PSMA1: variants seen among roughly 807,000 people sequenced by gnomAD.
PSMA1 encodes proteasome 20S subunit alpha 1.
PSMA1 carries 3 observed loss-of-function variants against 38.4 expected under a neutral mutation model. The ratio of observed to expected loss-of-function variants is 0.08; its 90% confidence interval spans 0.04 to 0.20. PSMA1 has a LOEUF of 0.20. Among genes scored for constraint, PSMA1 ranks in the 10% least tolerant of loss-of-function variants. PSMA1 has a pLI of 1.00. For missense variants in PSMA1, 227 were observed against 325.3 expected, an observed-to-expected ratio of 0.70 and a Z score of 2.32; for synonymous variants, 101 against 107.1, an observed-to-expected ratio of 0.94 and a Z score of 0.35.
At chr11:14,568,064 C>A (rs1852093668) in intron 2 of PSMA1, among the ~76,000 whole-genome samples, 1 of 152,162 alleles carries the variant, frequency 6.6e-6, no homozygotes, top group Admixed American at 6.5e-5. Flanking sequence ...CTTGCAGGAA[C>A]CTAACCTTGT....
chr11:14,601,436 G>C (rs16930367), intron 2 of PSMA1, among the ~76,000 whole-genome samples: 1 of 152,046 alleles, frequency 6.6e-6, no homozygotes, highest in African/African-American at 2.4e-5. Context: ...CCCACCAAAG[G>C]CTGCCGTTCT....
intron 2 of PSMA1, among the ~76,000 whole-genome samples, chr11:14,562,867 T>A (rs1852026000): frequency 6.6e-6 from 1 of 152,168 alleles, no homozygotes; most frequent in South Asian, 2.1e-4. Flanking sequence ...CCACCGGGCC[T>A]GGCTGTATTC....
chr11:14,602,930 G>C (rs561882490), intron 2 of PSMA1, among the ~76,000 whole-genome samples: 1 of 152,136 alleles, frequency 6.6e-6, no homozygotes, highest in Non-Finnish European at 1.5e-5. Context: ...ATGGCTGTGC[G>C]GGGAGACATA....
At chr11:14,574,394 A>G (rs1852187433) in intron 2 of PSMA1, among the ~76,000 whole-genome samples, 1 of 152,214 alleles carries the variant, frequency 6.6e-6, no homozygotes, top group Admixed American at 6.5e-5. Flanking sequence ...CAGAAGGTGC[A>G]AGCCATAAGC....
At chr11:14,585,694 C>T (rs1852337202) in intron 2 of PSMA1, among the ~76,000 whole-genome samples, 1 of 152,180 alleles carries the variant, frequency 6.6e-6, no homozygotes, top group South Asian at 2.1e-4. Context: ...TTTTATTCGC[C>T]CCTCCTACTT....
intron 2 of PSMA1, among the ~76,000 whole-genome samples, chr11:14,605,708 G>A (rs1852634643): frequency 6.6e-6 from 1 of 152,112 alleles, no homozygotes; most frequent in Non-Finnish European, 1.5e-5. Flanking sequence ...TTTTTAATTA[G>A]GGTTATTTGT....
At position 14,504,884 on chromosome 11, in the gene PSMA1, G is replaced by A. The variant is rs1002881822; in HGVS notation, c.*308C>T. The A allele has an allele frequency of 3.4e-5, 9 of 265,370 alleles. No homozygotes were observed. Among genetic ancestry groups the A allele is most frequent in the Middle Eastern group, 1.2e-3 (1 of 852 alleles). 16.4% of individuals were successfully genotyped at this position (265,370 alleles called of 1,614,324 possible). A position where few individuals can be genotyped will look rare whatever the true frequency, so the allele number is the denominator to read the frequency against. ...AAAACAAAAACCCAATATACCAGGCGGTGAAACAATTTTATTTCACAGTTG... is the reference window on the plus strand; with the variant it reads ...AAAACAAAAACCCAATATACCAGGCAGTGAAACAATTTTATTTCACAGTTG... On this transcript the variant is annotated 3_prime_UTR_variant, in exon 10 of 10. Coordinates refer to ENST00000396394, the MANE Select transcript of PSMA1 (RefSeq NM_002786.4).
intron 1 of PSMA1, among the ~76,000 whole-genome samples, chr11:14,629,134 G>C (rs1409442065): frequency 4.6e-5 from 7 of 152,032 alleles, no homozygotes; most frequent in African/African-American, 1.7e-4. Flanking sequence ...TCACTCTGAT[G>C]GTAGTTTCTT....
chr11:14,567,699 T>A (rs1349612207), intron 2 of PSMA1, among the ~76,000 whole-genome samples: 3 of 152,254 alleles, frequency 2.0e-5, no homozygotes, highest in African/African-American at 2.4e-5. Flanking sequence ...AACAAAGCAA[T>A]GCCTTGCCTT....
chr11:14,507,747 A>G lies in PSMA1; in HGVS notation c.644T>C (p.Val215Ala). The change falls in exon 9 of 10, where the codon GTT (valine) becomes GCT (alanine). Residue 215 changes from valine (V) to alanine (A), a missense_variant. Val to Ala is a moderately conservative substitution (Grantham distance 64, BLOSUM62 0). Transcript: ENST00000396394. Reference sequence around the variant, plus strand: ...GATTGTAAACTCCAAGTCTTTACCAACAATTCCAATGGAAACATTCTGAAG... The same window carrying G: ...GATTGTAAACTCCAAGTCTTTACCAGCAATTCCAATGGAAACATTCTGAAG... ...LTTKNVSIGI[V>A]GKDLEFTIYD... 1 of 1,608,634 alleles carries G rather than the reference A, an allele frequency of 6.2e-7. No individual in the cohort carries two copies. The highest frequency in any genetic ancestry group is 8.5e-7 in the Non-Finnish European group (1 of 1,175,622).
intron 2 of PSMA1, among the ~76,000 whole-genome samples, chr11:14,583,054 TTTTATTTGGCACTGA>T (rs1852301739): frequency 6.6e-6 from 1 of 152,232 alleles, no homozygotes; most frequent in Admixed American, 6.5e-5. Flanking sequence ...AAAGGCCATG[TTTTATTTGGCACTGA>T]TGCTTTCAAC....
chr11:14,530,063 T>A (rs916799911), intron 2 of PSMA1, among the ~76,000 whole-genome samples: 1 of 152,218 alleles, frequency 6.6e-6, no homozygotes, highest in African/African-American at 2.4e-5. Context: ...CTGTACTTAA[T>A]AAGTGCTACA....
At chr11:14,550,120 C>T (rs191549842) in intron 2 of PSMA1, among the ~76,000 whole-genome samples, 1 of 152,294 alleles carries the variant, frequency 6.6e-6, no homozygotes, top group Admixed American at 6.5e-5. Flanking sequence ...TGCATCTCTT[C>T]ATCTCAAAGG....
At chr11:14,633,551 C>T (rs576745150) in intron 1 of PSMA1, among the ~76,000 whole-genome samples, 192 of 152,302 alleles carry the variant, frequency 1.3e-3, no homozygotes, top group Admixed American at 2.6e-3. Flanking sequence ...AGCTGTCAGA[C>T]AGGGACATTT....
intron 9 of PSMA1, 65 bp from the exon 10 acceptor site, chr11:14,505,313 C>A: frequency 1.6e-6 from 2 of 1,288,558 alleles, no homozygotes; most frequent in South Asian, 1.2e-5. Context: ...CACATCTAAT[C>A]ACAAATATTA....
chr11:14,537,176 G>C (rs1050666541), intron 2 of PSMA1, among the ~76,000 whole-genome samples: 3 of 152,148 alleles, frequency 2.0e-5, no homozygotes, highest in African/African-American at 7.2e-5. Flanking sequence ...TAAAACTAAT[G>C]TTTTCTAGAA....
chr11:14,560,687 G>A (rs925517861), intron 2 of PSMA1, among the ~76,000 whole-genome samples: 1 of 152,196 alleles, frequency 6.6e-6, no homozygotes, highest in Non-Finnish European at 1.5e-5. Context: ...CCAGACTTAT[G>A]TGTTGTACCT....
intron 2 of PSMA1, among the ~76,000 whole-genome samples, chr11:14,530,901 C>CA (rs10670662): frequency 0.043 from 4,607 of 107,930 alleles, 267 homozygotes; most frequent in African/African-American, 0.12. Context: ...GACTCCGTCT[C>CA]AAAAAAAAAA....
At chr11:14,541,578 G>A (rs1426174520) in intron 2 of PSMA1, among the ~76,000 whole-genome samples, 1 of 152,210 alleles carries the variant, frequency 6.6e-6, no homozygotes, top group African/African-American at 2.4e-5. Flanking sequence ...GGGCTCTGGA[G>A]CCTTGACTCT....
Sources: allele counts gnomAD v4.1 joint callset (sites outside exome capture counted in the v4.1 genomes callset), GRCh38; gene constraint gnomAD v4.1.1; transcripts MANE v1.5; gene names NCBI Gene and HGNC (gene_info 2026-07-23, HGNC 2026-07-21).